Variants in EPHA6 observed in about 807,000 individuals in gnomAD.
EPHA6 encodes the protein ephrin type-A receptor 6.
Under a neutral mutation model 112.0 loss-of-function variants are expected in EPHA6, and 50 were observed. The observed-to-expected ratio is 0.45, with a 90% CI of 0.36 to 0.56. EPHA6 has a LOEUF of 0.56. EPHA6 is among the 20% of genes least tolerant of loss of function. EPHA6 has a pLI of 0.00. For synonymous variants in EPHA6, 529 were observed against 490.7 expected (o/e 1.08, Z -1.03); for missense variants, 1,280 against 1,417.4 (o/e 0.90, Z 1.56).
intron 2 of EPHA6, among the ~76,000 whole-genome samples, chr3:96,921,127 G>A (rs1164747663): frequency 6.6e-6 from 1 of 151,902 alleles, no homozygotes; most frequent in Non-Finnish European, 1.5e-5. Context: ...AAATATTTAG[G>A]AAAATACACG....
intron 5 of EPHA6, among the ~76,000 whole-genome samples, chr3:97,339,616 T>C (rs572655857): frequency 2.6e-5 from 4 of 152,284 alleles, no homozygotes; most frequent in African/African-American, 7.2e-5. Flanking sequence ...GAAAAAGGGA[T>C]GCCAATACCT....
intron 2 of EPHA6, among the ~76,000 whole-genome samples, chr3:96,875,509 A>G (rs1416157491): frequency 6.6e-6 from 1 of 152,146 alleles, no homozygotes; most frequent in Non-Finnish European, 1.5e-5. Flanking sequence ...TAGAATGATG[A>G]AATTCTATGG....
At chr3:97,389,162 T>C (rs1319467515) in intron 5 of EPHA6, among the ~76,000 whole-genome samples, 1 of 152,192 alleles carries the variant, frequency 6.6e-6, no homozygotes, top group East Asian at 1.9e-4. Flanking sequence ...AATTGGTCTC[T>C]CAATTCAAAG....
chr3:97,401,161 C>T (rs1311755662), intron 5 of EPHA6, among the ~76,000 whole-genome samples: 1 of 151,476 alleles, frequency 6.6e-6, no homozygotes, highest in Non-Finnish European at 1.5e-5. Flanking sequence ...CTTTTTTTTG[C>T]ATCTGTTGAG....
In EPHA6 at chr3:97,753,548, T is replaced by G. The variant is rs532598038; in HGVS notation, c.*4847T>G. 6.6e-6 allele frequency among the ~76,000 whole-genome samples: 1 copy of G among 152,302 alleles called. No homozygotes were observed. The highest frequency in any genetic ancestry group is 2.4e-5 in the African/African-American group (1 of 41,570). On this transcript the variant is annotated 3_prime_UTR_variant, in exon 18 of 18. Coordinates refer to ENST00000389672, the MANE Select transcript of EPHA6 (RefSeq NM_001080448.3). ...CTCTTCAGGAGTCACAGATTTTTAT[T>G]GTCTGATAGCATAGCTATCAGTTCG...
At chr3:97,459,386 G>C (rs2090809275) in intron 7 of EPHA6, among the ~76,000 whole-genome samples, 1 of 152,114 alleles carries the variant, frequency 6.6e-6, no homozygotes, top group Non-Finnish European at 1.5e-5. Flanking sequence ...AAGCCCTCTG[G>C]GTTATTCGGC....
At chr3:96,853,277 A>G (rs1340908743) in intron 1 of EPHA6, among the ~76,000 whole-genome samples, 2 of 152,158 alleles carry the variant, frequency 1.3e-5, no homozygotes, top group Admixed American at 6.6e-5. Flanking sequence ...TATTGAATTT[A>G]TATGAAAACC....
intron 6 of EPHA6, among the ~76,000 whole-genome samples, chr3:97,419,874 AG>A (rs1442014412): frequency 1.3e-5 from 2 of 152,184 alleles, no homozygotes; most frequent in Admixed American, 6.5e-5. Context: ...AAGTAATTCA[AG>A]TTTCTAAAGG....
chr3:96,834,356 A>C (rs2034272549), intron 1 of EPHA6, among the ~76,000 whole-genome samples: 1 of 152,058 alleles, frequency 6.6e-6, no homozygotes, highest in South Asian at 2.1e-4. Flanking sequence ...AGGAAAAGTC[A>C]TGTGTAACCT....
In EPHA6 at chr3:97,654,009, C is replaced by A. The variant is rs573900159; in HGVS notation, c.2784+15927C>A. Among the ~76,000 whole-genome samples, 5 of 151,784 alleles carry A rather than the reference C, an allele frequency of 3.3e-5. No individual in the cohort carries two copies. In the East Asian group the frequency reaches 9.7e-4, roughly 29 times the overall value. ...GAGAGGGAAATGGGAAGATGTTGGC[C>A]AAAGGGTACTAAGTTTTAGTTAGGA... On this transcript the variant is annotated intron_variant, in intron 14 of 17. Coordinates refer to ENST00000389672, the MANE Select transcript of EPHA6 (RefSeq NM_001080448.3).
intron 3 of EPHA6, among the ~76,000 whole-genome samples, chr3:97,110,924 C>T (rs1397559539): frequency 6.6e-6 from 1 of 152,028 alleles, no homozygotes; most frequent in Non-Finnish European, 1.5e-5. Context: ...TCAAAATTTG[C>T]AGGAAGTACT....
chr3:97,201,907 G>C (rs1166115598), intron 3 of EPHA6, among the ~76,000 whole-genome samples: 23 of 152,056 alleles, frequency 1.5e-4, no homozygotes, highest in Admixed American at 1.4e-3. Context: ...ATAAGGACCA[G>C]AATCTTCATC....
chr3:96,974,694 C>A (rs2107795419), intron 2 of EPHA6, among the ~76,000 whole-genome samples: 2 of 152,008 alleles, frequency 1.3e-5, no homozygotes, highest in South Asian at 2.1e-4. Flanking sequence ...TTTTATGAAT[C>A]CTTTTTTTTG....
At chr3:97,213,763 G>A (rs778048744) in intron 3 of EPHA6, among the ~76,000 whole-genome samples, 4 of 152,090 alleles carry the variant, frequency 2.6e-5, no homozygotes, top group African/African-American at 4.8e-5. Flanking sequence ...ACAGTTAAGC[G>A]GGAGAAAGAG....
intron 7 of EPHA6, among the ~76,000 whole-genome samples, chr3:97,455,285 A>G (rs2090646004): frequency 6.6e-6 from 1 of 152,022 alleles, no homozygotes. Context: ...CTTTTTTAAA[A>G]TCTTTTCTGG....
chr3:97,163,841 TC>T (rs1224897146), intron 3 of EPHA6, among the ~76,000 whole-genome samples: 2 of 152,182 alleles, frequency 1.3e-5, no homozygotes, highest in Non-Finnish European at 2.9e-5. Context: ...TTCTATTTCT[TC>T]CCAGTCAGTG....
rs961643674 is a variant in EPHA6 at position 97,481,559 on chromosome 3, G to T, written c.2074+2195G>T. The T allele has an allele frequency of 7.6e-6, 5 of 661,806 alleles. No homozygotes were observed. In the East Asian group the frequency reaches 1.3e-4, roughly 17 times the overall value. The allele number at this position is 661,806 out of a possible 1,614,324, so 41.0% of individuals were successfully genotyped here. A position where few individuals can be genotyped will look rare whatever the true frequency, so the allele number is the denominator to read the frequency against. ...GGGGTCCCTAGAGCCGCCGGGGCGC[G>T]GCGCGTCCGGCGCTGGGGGACTGTT... On this transcript the variant is annotated intron_variant, in intron 9 of 17. Coordinates refer to ENST00000389672, the MANE Select transcript of EPHA6 (RefSeq NM_001080448.3).
At position 97,530,992 on chromosome 3, in the gene EPHA6, T is replaced by C. The variant is rs138844100; in HGVS notation, c.2201-1366T>C. Among the ~76,000 whole-genome samples the C allele has an allele frequency of 7.2e-5, 11 of 152,174 alleles. No individual in the cohort carries two copies. The East Asian group carries it at 1.7e-3, about 24-fold the overall frequency. ...ATTCTATGCTTAAACTTATATTGTGTCTTACAGTTGGCCATAAGTGCTAAT... is the reference window on the plus strand; with the variant it reads ...ATTCTATGCTTAAACTTATATTGTGCCTTACAGTTGGCCATAAGTGCTAAT... On this transcript the variant is annotated intron_variant, in intron 10 of 17. Transcript: ENST00000389672.
chr3:97,213,218 T>G lies in EPHA6; in HGVS notation c.1115-13046T>G, dbSNP rs950011941. Among the ~76,000 whole-genome samples the G allele has an allele frequency of 5.9e-5, 9 of 152,300 alleles. No homozygotes were observed. In the East Asian group the frequency reaches 1.7e-3, roughly 29 times the overall value. On this transcript the variant is annotated intron_variant, in intron 3 of 17. Coordinates refer to ENST00000389672, the MANE Select transcript of EPHA6 (RefSeq NM_001080448.3). Reference sequence around the variant, plus strand: ...CTTGGCAAGAAGGCTGAGGCTTTATTTCCTCCACTGTGCTGTGCCCTTCTG... The same window carrying G: ...CTTGGCAAGAAGGCTGAGGCTTTATGTCCTCCACTGTGCTGTGCCCTTCTG...
Sources: allele counts gnomAD v4.1 joint callset (sites outside exome capture counted in the v4.1 genomes callset), GRCh38; gene constraint gnomAD v4.1.1; transcripts MANE v1.5; gene names NCBI Gene and HGNC (gene_info 2026-07-23, HGNC 2026-07-21).